The following TRDN variants were observed in gnomAD, a reference collection of about 807,000 sequenced individuals.
The protein encoded by TRDN is triadin in skeletal muscle.
Under a neutral mutation model 149.7 loss-of-function variants are expected in TRDN, and 161 were observed. That is an observed-to-expected ratio of 1.08 (90% CI 0.95 to 1.23). The LOEUF (loss-of-function observed/expected upper bound fraction) is 1.23. Ranked by LOEUF, TRDN falls within the 50% of genes most tolerant of loss-of-function variation. TRDN has a pLI of 0.00. For synonymous variants in TRDN, 294 were observed against 250.5 expected, an observed-to-expected ratio of 1.17 and a Z score of -1.64; for missense variants, 896 against 823.5, an observed-to-expected ratio of 1.09 and a Z score of -1.08.
At chr6:123,559,218 C>A (rs1781844169) in intron 2 of TRDN, among the ~76,000 whole-genome samples, 1 of 152,174 alleles carries the variant, frequency 6.6e-6, no homozygotes, top group African/African-American at 2.4e-5. Flanking sequence ...AAGCCACCCA[C>A]TCCACATTAC....
intron 1 of TRDN, among the ~76,000 whole-genome samples, chr6:123,606,878 C>T (rs1784551137): frequency 6.6e-6 from 1 of 152,100 alleles, no homozygotes; most frequent in Non-Finnish European, 1.5e-5. Flanking sequence ...CATCTTTATA[C>T]TATATACAAT....
At chr6:123,382,248 T>G in intron 14 of TRDN, 101 bp from the exon 15 acceptor site, 1 of 742,556 alleles carries the variant, frequency 1.3e-6, no homozygotes, top group East Asian at 3.2e-5. Context: ...AAATTGATTA[T>G]TCAACAAATT....
intron 10 of TRDN, among the ~76,000 whole-genome samples, chr6:123,440,720 T>C (rs979754894): frequency 6.6e-6 from 1 of 152,144 alleles, no homozygotes; most frequent in Non-Finnish European, 1.5e-5. Flanking sequence ...ATTAAAAAGC[T>C]TGTGCCAATT....
intron 7 of TRDN, among the ~76,000 whole-genome samples, chr6:123,510,812 T>A (rs1779145908): frequency 6.6e-6 from 1 of 152,108 alleles, no homozygotes; most frequent in Non-Finnish European, 1.5e-5. Flanking sequence ...CCTGGCTAAT[T>A]TTTTAATTTT....
chr6:123,564,823 T>C (rs1314718522), intron 2 of TRDN, among the ~76,000 whole-genome samples: 5 of 152,186 alleles, frequency 3.3e-5, no homozygotes, highest in Non-Finnish European at 5.9e-5. Context: ...ACAAAATTGG[T>C]TTGAAATAAG....
intron 1 of TRDN, among the ~76,000 whole-genome samples, chr6:123,596,390 A>C (rs1026233676): frequency 6.6e-6 from 1 of 152,124 alleles, no homozygotes; most frequent in Non-Finnish European, 1.5e-5. Flanking sequence ...AGGTGAAGCA[A>C]CAAATGCTAA....
At chr6:123,577,908 GT>G (rs1233460269) in intron 1 of TRDN, among the ~76,000 whole-genome samples, 4 of 152,048 alleles carry the variant, frequency 2.6e-5, no homozygotes, top group African/African-American at 7.2e-5. Context: ...CTTTCTTCAT[GT>G]GCTTGTTGGC....
chr6:123,332,577 T>C (rs1431589414), intron 22 of TRDN, among the ~76,000 whole-genome samples: 1 of 152,112 alleles, frequency 6.6e-6, no homozygotes, highest in Non-Finnish European at 1.5e-5. Flanking sequence ...CAGACACATA[T>C]ATGGTCAATG....
chr6:123,483,755 G>C (rs1042066188), intron 9 of TRDN, among the ~76,000 whole-genome samples: 1 of 151,972 alleles, frequency 6.6e-6, no homozygotes, highest in Non-Finnish European at 1.5e-5. Context: ...TGAAACTCTT[G>C]TTATGACTGC....
At chr6:123,523,857 C>T (rs994121090) in intron 5 of TRDN, among the ~76,000 whole-genome samples, 2 of 152,016 alleles carry the variant, frequency 1.3e-5, no homozygotes, top group African/African-American at 2.4e-5. Context: ...TGGAGACTGT[C>T]GTAAACAGAG....
intron 12 of TRDN, among the ~76,000 whole-genome samples, chr6:123,434,424 C>A (rs1015756542): frequency 6.6e-6 from 1 of 152,128 alleles, no homozygotes; most frequent in African/African-American, 2.4e-5. Context: ...CTGAGGCTTG[C>A]CTCAACATTT....
At chr6:123,399,453 C>A (rs1332414628) in intron 12 of TRDN, among the ~76,000 whole-genome samples, 1 of 152,128 alleles carries the variant, frequency 6.6e-6, no homozygotes, top group African/African-American at 2.4e-5. Context: ...AGATACAGAT[C>A]ATTTGGCCTT....
intron 4 of TRDN, among the ~76,000 whole-genome samples, chr6:123,545,131 A>G (rs1036601197): frequency 1.1e-4 from 17 of 152,030 alleles, no homozygotes; most frequent in African/African-American, 4.1e-4. Flanking sequence ...AAATGACTAA[A>G]TATTATTGAA....
intron 12 of TRDN, among the ~76,000 whole-genome samples, chr6:123,405,370 G>A (rs2114497137): frequency 6.6e-6 from 1 of 152,310 alleles, no homozygotes; most frequent in Non-Finnish European, 1.5e-5. Context: ...AGGCTTTCCA[G>A]TTAGCCCATC....
chr6:123,518,906 C>T (rs1011997337), intron 5 of TRDN, among the ~76,000 whole-genome samples: 1 of 152,154 alleles, frequency 6.6e-6, no homozygotes, highest in Non-Finnish European at 1.5e-5. Flanking sequence ...TTTGAAATGA[C>T]TTTCAACACA....
At chr6:123,383,543 A>G (rs1338789272) in intron 14 of TRDN, among the ~76,000 whole-genome samples, 1 of 152,072 alleles carries the variant, frequency 6.6e-6, no homozygotes, top group African/African-American at 2.4e-5. Flanking sequence ...TCTGAACAAT[A>G]AGAGAGTGTT....
chr6:123,547,269 T>C (rs1781156519), intron 4 of TRDN, 71 bp downstream of exon 4: 4 of 939,856 alleles, frequency 4.3e-6, no homozygotes, highest in Non-Finnish European at 6.1e-6. Context: ...GTAAAATATA[T>C]TTGAACCATG....
intron 2 of TRDN, among the ~76,000 whole-genome samples, chr6:123,553,445 A>C (rs1229140371): frequency 6.6e-6 from 1 of 152,136 alleles, no homozygotes; most frequent in Non-Finnish European, 1.5e-5. Context: ...CAGGGGTCCC[A>C]GGAATCTTCT....
Position 123,236,240 on chromosome 6 carries a change from C to T in TRDN, c.1976-12109G>A, listed in dbSNP as rs531424566. 6.0e-3 allele frequency among the ~76,000 whole-genome samples: 906 copies of T among 152,212 alleles called. 8 individuals carry two copies. Among genetic ancestry groups the T allele is most frequent in the Non-Finnish European group, 9.2e-3 (625 of 68,010 alleles). Reference sequence around the variant, plus strand: ...GTGCTGTTATATAATGGTGGCTTAGCTTGCAATTCTCTAACAGCTAATAAT... The same window carrying T: ...GTGCTGTTATATAATGGTGGCTTAGTTTGCAATTCTCTAACAGCTAATAAT... On this transcript the variant is annotated intron_variant, in intron 38 of 40. Transcript: ENST00000334268.
Sources: allele counts gnomAD v4.1 joint callset (sites outside exome capture counted in the v4.1 genomes callset), GRCh38; gene constraint gnomAD v4.1.1; transcripts MANE v1.5; gene names NCBI Gene and HGNC (gene_info 2026-07-23, HGNC 2026-07-21).